The following SMAD2 variants were observed in gnomAD, a reference collection of about 807,000 sequenced individuals.
The protein encoded by SMAD2 is SMAD family member 2, also known as MAD homolog 2.
Under a neutral mutation model 64.4 loss-of-function variants are expected in SMAD2, and 8 were observed. That is an observed-to-expected ratio of 0.12 (90% CI 0.07 to 0.22). The LOEUF is 0.22. SMAD2 is among the 10% of genes least tolerant of loss of function. The pLI is 1.00. For synonymous variants in SMAD2, 203 were observed against 195.8 expected (o/e 1.04, Z -0.31); for missense variants, 289 against 561.2 (o/e 0.51, Z 4.90).
intron 2 of SMAD2, chr18:47,895,810 G>A (rs1244676358): frequency 6.6e-6 from 1 of 152,438 alleles, no homozygotes; most frequent in African/African-American, 2.4e-5. Context: ...GCTAGCCCAC[G>A]GTATGACACT....
intron 2 of SMAD2, among the ~76,000 whole-genome samples, chr18:47,883,674 C>A (rs190138592): frequency 6.6e-6 from 1 of 152,214 alleles, no homozygotes; most frequent in Admixed American, 6.5e-5. Context: ...TTATGACTCC[C>A]TGATGTTGGT....
intron 2 of SMAD2, among the ~76,000 whole-genome samples, chr18:47,883,994 G>A (rs1245882249): frequency 6.6e-6 from 1 of 152,018 alleles, no homozygotes; most frequent in Non-Finnish European, 1.5e-5. Flanking sequence ...TTCAAACCAG[G>A]CAAGTCTCAG....
intron 1 of SMAD2, among the ~76,000 whole-genome samples, chr18:47,921,019 G>C (rs1025038713): frequency 6.6e-6 from 1 of 152,154 alleles, no homozygotes; most frequent in Non-Finnish European, 1.5e-5. Context: ...AGCTGGATAT[G>C]GTAGGCATGC....
At chr18:47,900,392 T>A (rs1598862442) in intron 1 of SMAD2, among the ~76,000 whole-genome samples, 1 of 152,230 alleles carries the variant, frequency 6.6e-6, no homozygotes, top group Non-Finnish European at 1.5e-5. Context: ...GCCTATCCCA[T>A]ATTCTCCATA....
At chr18:47,845,089 C>T (rs1914362742) in intron 10 of SMAD2, 2 of 608,446 alleles carry the variant, frequency 3.3e-6, no homozygotes, top group South Asian at 4.0e-5. Context: ...CATATACACC[C>T]CTTTTATGAT....
chr18:47,881,157 C>A (rs1036622376), intron 2 of SMAD2, among the ~76,000 whole-genome samples: 2 of 152,142 alleles, frequency 1.3e-5, no homozygotes, highest in African/African-American at 4.8e-5. Context: ...TTTGTTTATT[C>A]TCCAGTACTT....
chr18:47,923,068 T>G (rs997073723), intron 1 of SMAD2, among the ~76,000 whole-genome samples: 1 of 142,746 alleles, frequency 7.0e-6, no homozygotes, highest in African/African-American at 2.7e-5. Flanking sequence ...TTTTTTTTTT[T>G]AACTAAGAGT....
rs34501809 is a variant in SMAD2, at chr18:47,869,474, T to TA, written c.327-39dup. The TA allele has an allele frequency of 0.06, 63,277 of 1,046,242 alleles. 4 individuals carry two copies. Among genetic ancestry groups the TA allele is most frequent in the Middle Eastern group, 0.07 (293 of 4,212 alleles). The allele number at this position is 1,046,242 out of a possible 1,614,324, so 64.8% of individuals were successfully genotyped here. The stretch of plus-strand genomic sequence containing the variant: ...AAGGGGAAAAGAAAGGAGGGAACTT[T>TA]AAAAAAAAAAAAAAAAAAGTGCAGT... On this transcript the variant is annotated intron_variant, in intron 3 of 10. Coordinates refer to ENST00000262160, the MANE Select transcript of SMAD2 (RefSeq NM_005901.6).
In SMAD2 at chr18:47,869,237, TC is replaced by T; in HGVS notation, c.520+5del. 1.2e-6 allele frequency: 2 copies of T among 1,608,560 alleles called. No homozygotes were observed. The highest frequency in any genetic ancestry group is 1.7e-6 in the Non-Finnish European group (2 of 1,175,178). On this transcript the variant is annotated splice_donor_5th_base_variant and intron_variant, in intron 4 of 10. Transcript: ENST00000262160. ...AAACCAAGAAAAAAACTTGCAATAT[TC>T]CTACCTGGTGTCTCAACTCTCTGAT...
At chr18:47,919,540 A>T (rs2034482050) in intron 1 of SMAD2, among the ~76,000 whole-genome samples, 1 of 151,804 alleles carries the variant, frequency 6.6e-6, no homozygotes, top group African/African-American at 2.4e-5. Flanking sequence ...AGATCTAACA[A>T]AGAAGAAAAA....
chr18:47,903,657 A>G (rs1431156752), intron 1 of SMAD2, among the ~76,000 whole-genome samples: 2 of 152,160 alleles, frequency 1.3e-5, no homozygotes, highest in South Asian at 2.1e-4. Context: ...TAAAAATGCT[A>G]AAGAAACTGA....
intron 6 of SMAD2, among the ~76,000 whole-genome samples, chr18:47,860,092 C>G (rs910155862): frequency 9.9e-5 from 15 of 151,960 alleles, no homozygotes; most frequent in Non-Finnish European, 1.5e-4. Flanking sequence ...GCCAACCAGG[C>G]CACTGCACTC....
rs1419555148 is a variant in SMAD2 at position 47,832,055 on chromosome 18, G to C, written c.*9772C>G. The C allele has an allele frequency of 6.6e-6, 1 of 152,138 alleles. No homozygotes were observed. Among genetic ancestry groups the C allele is most frequent in the Non-Finnish European group, 1.5e-5 (1 of 68,026 alleles). 9.4% of individuals were successfully genotyped at this position (152,138 alleles called of 1,614,324 possible). A position where few individuals can be genotyped will look rare whatever the true frequency, so the allele number is the denominator to read the frequency against. ...TAATTACATTGGATGACATCAGTTT[G>C]ATACTGATGCCTGCTTCCTGCACTA... On this transcript the variant is annotated 3_prime_UTR_variant, in exon 11 of 11. Transcript: ENST00000262160.
Position 47,830,481 on chromosome 18 carries a change from G to A in SMAD2, c.*11346C>T, listed in dbSNP as rs892292848. The A allele has an allele frequency of 6.6e-6, 1 of 150,738 alleles. No homozygotes were observed. The highest frequency in any genetic ancestry group is 1.5e-5 in the Non-Finnish European group (1 of 67,914). The allele number at this position is 150,738 out of a possible 1,614,324, so 9.3% of individuals were successfully genotyped here. ...AATCCCAGCTACTCAGGAGGCTAAG[G>A]CAGGAGAATCACTTGAACCCAGGAG... On this transcript the variant is annotated 3_prime_UTR_variant, in exon 11 of 11. Coordinates refer to ENST00000262160, the MANE Select transcript of SMAD2 (RefSeq NM_005901.6).
rs767926022 is a variant in SMAD2, at chr18:47,845,329, G to C, written c.1280+11C>G. The C allele has an allele frequency of 6.2e-7, 1 of 1,611,422 alleles. No homozygotes were observed. Among genetic ancestry groups the C allele is most frequent in the East Asian group, 2.2e-5 (1 of 44,854 alleles). On this transcript the variant is annotated intron_variant, in intron 10 of 10. Transcript: ENST00000262160. ...CTGTGGAAATTTAAGAACCAAATAT[G>C]TATTTCATACCGGTATTCTGCTCCC...
intron 2 of SMAD2, among the ~76,000 whole-genome samples, chr18:47,877,493 C>T (rs978218793): frequency 9.2e-5 from 14 of 152,140 alleles, no homozygotes; most frequent in Admixed American, 2.6e-4. Context: ...TCCATAATTA[C>T]AAGTACTATG....
chr18:47,906,471 T>C (rs1022027087), intron 1 of SMAD2, among the ~76,000 whole-genome samples: 4 of 152,184 alleles, frequency 2.6e-5, no homozygotes, highest in Admixed American at 1.3e-4. Flanking sequence ...AAGAGGTATT[T>C]AGTATCACCA....
In SMAD2 at chr18:47,896,690, C is replaced by T; in HGVS notation, c.67G>A (p.Gly23Ser). ...KRLLGWKKSA[G>S]GSGGAGGGEQ... ...CCTCCGCCTGCTCCTCCAGACCCACCAGCTGACTTCTTCCATCCCAGCAGT... is the reference window on the plus strand; with the variant it reads ...CCTCCGCCTGCTCCTCCAGACCCACTAGCTGACTTCTTCCATCCCAGCAGT... Residue 23 changes from glycine (G) to serine (S), a missense_variant, in exon 2 of 11, where the codon GGT becomes AGT. Coordinates refer to ENST00000262160, the MANE Select transcript of SMAD2 (RefSeq NM_005901.6). 6.2e-7 allele frequency: 1 copy of T among 1,614,130 alleles called. No homozygotes were observed. The highest frequency in any genetic ancestry group is 8.5e-7 in the Non-Finnish European group (1 of 1,180,008).
intron 1 of SMAD2, among the ~76,000 whole-genome samples, chr18:47,899,364 G>C (rs531536129): frequency 6.6e-5 from 10 of 151,634 alleles, no homozygotes; most frequent in Admixed American, 4.6e-4. Context: ...CGCAATGCTG[G>C]TATATGGGAG....
Sources: gnomAD v4.1 joint callset for allele counts (sites outside exome capture counted in the v4.1 genomes callset) on GRCh38, gnomAD v4.1.1 for gene constraint, MANE v1.5 for transcripts, NCBI Gene and HGNC (gene_info 2026-07-23, HGNC 2026-07-21) for gene names.